Variants in KHNYN observed in about 807,000 individuals in gnomAD.
KHNYN encodes the protein KH and NYN domain containing, also known as protein KHNYN.
KHNYN carries 42 observed loss-of-function variants against 62.7 expected under a neutral mutation model. That is an observed-to-expected ratio of 0.67 (90% confidence interval 0.52 to 0.87). The LOEUF is 0.87. Ranked by LOEUF, KHNYN falls within the 40% of genes least tolerant of loss-of-function variation. KHNYN has a pLI of 0.00. For missense variants in KHNYN, 829 were observed against 874.1 expected, an observed-to-expected ratio of 0.95 and a Z score of 0.65; for synonymous variants, 347 against 345.6, an observed-to-expected ratio of 1.00 and a Z score of -0.04.
upstream of KHNYN, chr14:24,429,918 T>C (rs541588316): frequency 1.5e-4 from 149 of 1,006,402 alleles, no homozygotes; most frequent in Non-Finnish European, 1.6e-4. Flanking sequence ...GGAGCTGGGC[T>C]GACTCCGCCC....
rs759187970 is a variant in KHNYN at position 24,440,154 on chromosome 14, G to A, written c.*2869G>A. The A allele has an allele frequency of 1.1e-5, 18 of 1,613,584 alleles. No homozygotes were observed. The highest frequency in any genetic ancestry group is 4.5e-5 in the East Asian group (2 of 44,884). ...TACTGGTAGCCAGTGGCCAGTGTTCGCTGTGGGATCACCTTCTGGCCCTCC... is the reference window on the plus strand; with the variant it reads ...TACTGGTAGCCAGTGGCCAGTGTTCACTGTGGGATCACCTTCTGGCCCTCC... On this transcript the variant is annotated 3_prime_UTR_variant, in exon 8 of 8. Coordinates refer to ENST00000553935, the MANE Select transcript of KHNYN (RefSeq NM_015299.3).
intron 7 of KHNYN, among the ~76,000 whole-genome samples, chr14:24,436,831 G>A (rs1490099622): frequency 6.6e-6 from 1 of 152,176 alleles, no homozygotes; most frequent in Admixed American, 6.5e-5. Context: ...CATAATAGTG[G>A]CAGAGTTCAC....
upstream of KHNYN, chr14:24,429,827 C>T (rs1034923140): frequency 1.9e-6 from 2 of 1,051,986 alleles, no homozygotes; most frequent in Non-Finnish European, 1.2e-6. Flanking sequence ...GCCCTGGAGC[C>T]GCCGAGGGGA....
Position 24,438,760 on chromosome 14 carries a change from C to T in KHNYN, c.*1475C>T, listed in dbSNP as rs1262113181. 1 of 152,242 alleles carries T rather than the reference C, an allele frequency of 6.6e-6. No individual in the cohort carries two copies. The highest frequency in any genetic ancestry group is 1.5e-5 in the Non-Finnish European group (1 of 68,058). 9.4% of individuals were successfully genotyped at this position (152,242 alleles called of 1,614,324 possible). On this transcript the variant is annotated 3_prime_UTR_variant, in exon 8 of 8. Transcript: ENST00000553935. ...CCAGGAACAATACAGAGCCAGTCAA[C>T]TTCCTGGAATCCAAGACCAGATAAA...
rs775045849 is a variant in KHNYN, at chr14:24,436,187, A to AG, written c.1685+9dup. ...GGCAATCATCAGAGAACGGTGAGGGAGCCCTCCCGCTGAGAACTGGGCACA... is the reference window on the plus strand; with the variant it reads ...GGCAATCATCAGAGAACGGTGAGGGAGGCCCTCCCGCTGAGAACTGGGCACA... On this transcript the variant is annotated intron_variant, in intron 6 of 7. Transcript: ENST00000553935. The AG allele has an allele frequency of 2.5e-6, 4 of 1,607,194 alleles. No homozygotes were observed. The highest frequency in any genetic ancestry group is 3.4e-6 in the Non-Finnish European group (4 of 1,173,870).
At chr14:24,425,777 A>G (rs1232668617), upstream of KHNYN, among the ~76,000 whole-genome samples, 1 of 152,224 alleles carries the variant, frequency 6.6e-6, no homozygotes, top group Non-Finnish European at 1.5e-5. Context: ...AGCAGTGAAC[A>G]GTTGTCTTTT....
At chr14:24,425,573 A>T (rs946848200), upstream of KHNYN, among the ~76,000 whole-genome samples, 3 of 152,214 alleles carry the variant, frequency 2.0e-5, no homozygotes, top group African/African-American at 4.8e-5. Flanking sequence ...GCTGCCATCC[A>T]TCCCTGGACT....
At position 24,440,230 on chromosome 14, in the gene KHNYN, G is replaced by A. The variant is rs7157920; in HGVS notation, c.*2945G>A. ...CAAAGACAGCTTGCACCACAGCGCT[G>A]GGGAGAGGGATGAAGGCTCGGCGGC... On this transcript the variant is annotated 3_prime_UTR_variant, in exon 8 of 8. Transcript: ENST00000553935. 3.7e-3 allele frequency: 5,969 copies of A among 1,613,930 alleles called. 199 individuals carry two copies. The African/African-American group carries it at 0.07, about 19-fold the overall frequency.
rs1444508180 is a variant in KHNYN, at chr14:24,430,704, C to T, written c.-17-10C>T. ...ACAATGAGGCTCTGAGCTGCCTTCT[C>T]CCCTTCCAGGGCTGGGGGCAGCAGC... On this transcript the variant is annotated splice_polypyrimidine_tract_variant and intron_variant, in intron 1 of 7. Transcript: ENST00000553935. The T allele has an allele frequency of 3.2e-6, 5 of 1,551,500 alleles. No homozygotes were observed. In the South Asian group the frequency reaches 3.6e-5, roughly 11 times the overall value.
intron 5 of KHNYN, chr14:24,435,778 A>G: frequency 2.2e-6 from 1 of 451,180 alleles, no homozygotes; most frequent in South Asian, 2.7e-5. Flanking sequence ...GCATCTAGTC[A>G]GTTGCCTGTA....
At chr14:24,433,350 C>G (rs1189988269) in intron 5 of KHNYN, among the ~76,000 whole-genome samples, 2 of 152,218 alleles carry the variant, frequency 1.3e-5, no homozygotes, top group Non-Finnish European at 2.9e-5. Flanking sequence ...AAGTAGCTGA[C>G]AGATGTCTTC....
In KHNYN at chr14:24,436,457, C is replaced by T; in HGVS notation, c.1755C>T (p.Pro585=). Residue 585 remains proline (P), a synonymous_variant, in exon 7 of 8, where the codon CCC becomes CCT. Transcript: ENST00000553935. ...VPDDPLGRNG[P]TLDEFLKKPA... is the part of the protein sequence containing the mutation. ...ATGACCCACTGGGGCGAAACGGCCC[C>T]ACCCTGGATGAATTTCTGAAGAAGC... 6.2e-7 allele frequency: 1 copy of T among 1,613,368 alleles called. No homozygotes were observed. Among genetic ancestry groups the T allele is most frequent in the South Asian group, 1.1e-5 (1 of 91,040 alleles).
chr14:24,431,848 A>T lies in KHNYN; in HGVS notation c.587A>T (p.Glu196Val), dbSNP rs1420360725. 1 of 1,613,992 alleles carries T rather than the reference A, an allele frequency of 6.2e-7. No individual in the cohort carries two copies. Among genetic ancestry groups the T allele is most frequent in the Non-Finnish European group, 8.5e-7 (1 of 1,180,026 alleles). ...VQEELLSLVQ[E>V]ASSGQGPGAL... ...GAGGAGCTGCTGAGTCTGGTGCAGG[A>T]GGCGTCTAGTGGGCAGGGGCCAGGA... is the stretch of plus-strand genomic sequence containing the variant. The change falls in exon 3 of 8, where the codon GAG (glutamate) becomes GTG (valine). Residue 196 changes from glutamate to valine, a missense_variant. Coordinates refer to ENST00000553935, the MANE Select transcript of KHNYN (RefSeq NM_015299.3).
At chr14:24,429,834 G>T (rs553852578), upstream of KHNYN, 852 of 1,042,590 alleles carry the variant, frequency 8.2e-4, 2 homozygotes, top group South Asian at 2.4e-3. Flanking sequence ...AGCCGCCGAG[G>T]GGACTAGGCC....
intron 5 of KHNYN, chr14:24,434,269 C>A: frequency 1.0e-6 from 1 of 985,422 alleles, no homozygotes; most frequent in Middle Eastern, 5.2e-4. Flanking sequence ...CGCCCAGTAA[C>A]AGTGAATAAG....
At chr14:24,426,104 C>T (rs2139365847), upstream of KHNYN, among the ~76,000 whole-genome samples, 1 of 152,328 alleles carries the variant, frequency 6.6e-6, no homozygotes, top group Non-Finnish European at 1.5e-5. Context: ...ATAGTGACTT[C>T]TTCCTTTTTG....
upstream of KHNYN, chr14:24,429,803 A>G (rs953714702): frequency 4.6e-6 from 5 of 1,082,494 alleles, no homozygotes; most frequent in Non-Finnish European, 4.5e-6. Context: ...GCTGGTGAGA[A>G]GCGCAAGGGG....
chr14:24,435,538 G>A (rs2043192068), intron 5 of KHNYN: 1 of 155,198 alleles, frequency 6.4e-6, no homozygotes, highest in Non-Finnish European at 1.4e-5. Flanking sequence ...TGAATTACTG[G>A]GGTGGTAATG....
chr14:24,428,348 C>G, upstream of KHNYN: 1 of 1,613,926 alleles, frequency 6.2e-7, no homozygotes, highest in South Asian at 1.1e-5. Context: ...ACACCCCGGA[C>G]AGGGGCTACG....
Sources: allele counts gnomAD v4.1 joint callset (sites outside exome capture counted in the v4.1 genomes callset), GRCh38; gene constraint gnomAD v4.1.1; transcripts MANE v1.5; gene names NCBI Gene and HGNC (gene_info 2026-07-23, HGNC 2026-07-21).